The following CENPI variants were observed in gnomAD, a reference collection of about 807,000 sequenced individuals.
CENPI encodes the protein FSH primary response 1.
A neutral mutation model predicts 60.4 loss-of-function variants in CENPI; 4 were observed. The ratio of observed to expected loss-of-function variants is 0.07; its 90% confidence interval spans 0.03 to 0.15. The LOEUF is 0.15. Ranked by LOEUF, CENPI falls within the 10% of genes least tolerant of loss-of-function variation. CENPI has a pLI of 1.00. For missense variants in CENPI, 444 were observed against 534.5 expected, an observed-to-expected ratio of 0.83 and a Z score of 1.67; for synonymous variants, 157 against 189.4, an observed-to-expected ratio of 0.83 and a Z score of 1.40.
chrX:101,126,682 G>GA lies in CENPI; in HGVS notation c.688-23dup. On this transcript the variant is annotated intron_variant, in intron 8 of 21. Coordinates refer to ENST00000682095, the MANE Select transcript of CENPI (RefSeq NM_001386188.2). The stretch of plus-strand genomic sequence containing the variant: ...TCAGTTTCTTAATAGCCACAGAATT[G>GA]AAAATGGAAAACTTATTTTATTTCA... 4 of 1,133,759 alleles carry GA rather than the reference G, an allele frequency of 3.5e-6. No individual in the cohort carries two copies. In the East Asian group the frequency reaches 1.2e-4, roughly 34 times the overall value. The allele number at this position is 1,133,759 out of a possible 1,213,427, so 93.4% of individuals were successfully genotyped here. A position where few individuals can be genotyped will look rare whatever the true frequency, so the allele number is the denominator to read the frequency against.
In CENPI at chrX:101,164,980, T is replaced by C. The variant is rs981527955; in HGVS notation, c.*2013T>C. Among the ~76,000 whole-genome samples, 5 of 111,850 alleles carry C rather than the reference T, an allele frequency of 4.5e-5. No homozygotes were observed. Among genetic ancestry groups the C allele is most frequent in the African/African-American group, 1.6e-4 (5 of 30,810 alleles). On this transcript the variant is annotated 3_prime_UTR_variant, in exon 22 of 22. Coordinates refer to ENST00000682095, the MANE Select transcript of CENPI (RefSeq NM_001386188.2). ...CAGTGAAGTAAGCATATGAGTCATA[T>C]AAATATTTGGGGAAAGAGCATTCTG...
chrX:101,180,366 G>T, the CENPI span, among the ~76,000 whole-genome samples: 4,079 of 110,624 alleles, frequency 0.037, 228 homozygotes, highest in African/African-American at 0.13. Flanking sequence ...TGAACTCCTG[G>T]GCTCAAGTGA....
At chrX:101,127,726 T>G (rs2089751259) in intron 11 of CENPI, 61 bp downstream of exon 11, 7 of 947,720 alleles carry the variant, frequency 7.4e-6, no homozygotes, top group African/African-American at 4.0e-5. Context: ...GCCTTTGTTT[T>G]TTTGTTTGTT....
Position 101,132,314 on chromosome X carries a change from A to G in CENPI, c.1405+7A>G. 1 of 1,189,202 alleles carries G rather than the reference A, an allele frequency of 8.4e-7. No homozygotes were observed. Among genetic ancestry groups the G allele is most frequent in the Non-Finnish European group, 1.1e-6 (1 of 875,785 alleles). ...CCTTTTAGTAGCTTCTCTGGTATGTATCATGAAAATTTGGAGTCATTTGAT... is the reference window on the plus strand; with the variant it reads ...CCTTTTAGTAGCTTCTCTGGTATGTGTCATGAAAATTTGGAGTCATTTGAT... On this transcript the variant is annotated splice_region_variant and intron_variant, in intron 14 of 21. Coordinates refer to ENST00000682095, the MANE Select transcript of CENPI (RefSeq NM_001386188.2).
At chrX:101,129,426 GATA>G (rs1569501109) in intron 12 of CENPI, among the ~76,000 whole-genome samples, 1 of 110,726 alleles carries the variant, frequency 9.0e-6, no homozygotes, top group Non-Finnish European at 1.9e-5. Flanking sequence ...TTTCTCTAGA[GATA>G]ATATTTCTTT....
At chrX:101,181,260 C>G in the CENPI span, among the ~76,000 whole-genome samples, 2 of 111,157 alleles carry the variant, frequency 1.8e-5, no homozygotes, top group Admixed American at 1.9e-4. Context: ...AAACTTTATT[C>G]TTCTTCAATA....
rs184162291 is a variant in CENPI, at chrX:101,112,560, A to G, written c.591+2562A>G. Reference sequence around the variant, plus strand: ...AAAAACTAATATCCACAATTTTCTGAAAAGGCTTTTAAAATATTCCTACCT... The same window carrying G: ...AAAAACTAATATCCACAATTTTCTGGAAAGGCTTTTAAAATATTCCTACCT... On this transcript the variant is annotated intron_variant, in intron 6 of 21. Coordinates refer to ENST00000682095, the MANE Select transcript of CENPI (RefSeq NM_001386188.2). Among the ~76,000 whole-genome samples, 31 of 112,502 alleles carry G rather than the reference A, an allele frequency of 2.8e-4. No homozygotes were observed. In the East Asian group the frequency reaches 7.5e-3, roughly 27 times the overall value.
downstream of CENPI, among the ~76,000 whole-genome samples, chrX:101,168,922 C>T (rs1462195350): frequency 8.9e-6 from 1 of 111,801 alleles, no homozygotes; most frequent in Non-Finnish European, 1.9e-5. Flanking sequence ...GTGATTCATA[C>T]ACAGGAAAAA....
At chrX:101,140,124 C>A (rs1044959703) in intron 15 of CENPI, among the ~76,000 whole-genome samples, 4 of 112,360 alleles carry the variant, frequency 3.6e-5, no homozygotes, top group Non-Finnish European at 7.5e-5. Flanking sequence ...GCGTGAGCCA[C>A]CGCACCCAGC....
intron 20 of CENPI, among the ~76,000 whole-genome samples, chrX:101,160,461 A>G (rs1219144972): frequency 9.6e-6 from 1 of 104,557 alleles, no homozygotes; most frequent in East Asian, 3.0e-4. Flanking sequence ...GCTCACTGCA[A>G]CCTCTGCCTC....
intron 4 of CENPI, among the ~76,000 whole-genome samples, chrX:101,108,217 G>C (rs1187526768): frequency 1.8e-5 from 2 of 111,126 alleles, no homozygotes; most frequent in Non-Finnish European, 3.8e-5. Context: ...TGGGACTATA[G>C]GCATGTGCTA....
intron 15 of CENPI, among the ~76,000 whole-genome samples, chrX:101,139,820 G>GTTT (rs35960415): frequency 1.1e-5 from 1 of 89,680 alleles, no homozygotes; most frequent in African/African-American, 3.9e-5. Flanking sequence ...ATTATTGTAT[G>GTTT]TTTTTTTTTT....
intron 20 of CENPI, among the ~76,000 whole-genome samples, chrX:101,152,068 A>T (rs1393032518): frequency 3.7e-5 from 4 of 109,197 alleles, no homozygotes; most frequent in Admixed American, 2.0e-4. Context: ...CTATTCTAGA[A>T]GTTTCTTTTT....
intron 16 of CENPI, among the ~76,000 whole-genome samples, chrX:101,144,479 G>A (rs1481656853): frequency 9.3e-6 from 1 of 107,892 alleles, no homozygotes; most frequent in Non-Finnish European, 1.9e-5. Context: ...TGCCTCACAG[G>A]CTCAAGTGAT....
rs376581926 is a variant in CENPI at position 101,101,180 on chromosome X, G to A, written c.110G>A (p.Ser37Asn). The change falls in exon 3 of 22, where the codon AGC (serine) becomes AAC (asparagine). Residue 37 changes from serine to asparagine, a missense_variant. Physicochemically the swap from Ser to Asn is conservative, Grantham distance 46 (BLOSUM62 1). Coordinates refer to ENST00000682095, the MANE Select transcript of CENPI (RefSeq NM_001386188.2). ...GCCTGGAAAGTAAAACAGGATCCAA[G>A]CAACTCGAAGAACATCTCAAAACAT... ...LSAWKVKQDP[S>N]NSKNISKHGQ... The A allele has an allele frequency of 2.5e-6, 3 of 1,209,018 alleles. No homozygotes were observed. The highest frequency in any genetic ancestry group is 2.2e-6 in the Non-Finnish European group (2 of 893,231).
At chrX:101,129,079 A>G (rs772574089) in intron 12 of CENPI, among the ~76,000 whole-genome samples, 1 of 112,021 alleles carries the variant, frequency 8.9e-6, no homozygotes, top group Non-Finnish European at 1.9e-5. Flanking sequence ...TGACTATCAC[A>G]ATCCAAGGAT....
At chrX:101,170,899 C>T (rs979413401), downstream of CENPI, among the ~76,000 whole-genome samples, 5 of 111,323 alleles carry the variant, frequency 4.5e-5, no homozygotes, top group Non-Finnish European at 3.8e-5. Flanking sequence ...CCCAGAGTTC[C>T]GGGATTACAG....
At chrX:101,104,792 T>C (rs1238497281) in intron 4 of CENPI, among the ~76,000 whole-genome samples, 2 of 108,657 alleles carry the variant, frequency 1.8e-5, no homozygotes, top group Admixed American at 2.0e-4. Context: ...CCCAGGAGTT[T>C]GAGCTATGAT....
At chrX:101,180,541 TAGC>T in the CENPI span, among the ~76,000 whole-genome samples, 1 of 112,053 alleles carries the variant, frequency 8.9e-6, no homozygotes, top group Non-Finnish European at 1.9e-5. Flanking sequence ...GATTTGCAAA[TAGC>T]AGGTTATCTG....
Sources: gnomAD v4.1 joint callset for allele counts (sites outside exome capture counted in the v4.1 genomes callset) on GRCh38, gnomAD v4.1.1 for gene constraint, MANE v1.5 for transcripts, NCBI Gene and HGNC (gene_info 2026-07-23, HGNC 2026-07-21) for gene names.